The following TMEM196 variants were observed in gnomAD, a reference collection of about 807,000 sequenced individuals.
The protein encoded by TMEM196 is transmembrane protein 196.
A neutral mutation model predicts 20.0 loss-of-function variants in TMEM196; 17 were observed. The observed-to-expected ratio is 0.85, with a 90% CI of 0.58 to 1.27. The LOEUF (loss-of-function observed/expected upper bound fraction) is 1.27. Ranked by LOEUF, TMEM196 falls within the 50% of genes most tolerant of loss-of-function variation. The pLI is 0.00. For synonymous variants in TMEM196, 113 were observed against 88.9 expected, an observed-to-expected ratio of 1.27 and a Z score of -1.52; for missense variants, 267 against 223.0, an observed-to-expected ratio of 1.20 and a Z score of -1.26.
At chr7:19,753,852 G>A (rs1191524183) in intron 1 of TMEM196, among the ~76,000 whole-genome samples, 2 of 152,084 alleles carry the variant, frequency 1.3e-5, no homozygotes, top group African/African-American at 2.4e-5. Context: ...AGCTCTCATA[G>A]GCCTTGCCTC....
At chr7:19,754,962 C>T (rs918916983) in intron 1 of TMEM196, among the ~76,000 whole-genome samples, 1 of 152,162 alleles carries the variant, frequency 6.6e-6, no homozygotes, top group African/African-American at 2.4e-5. Context: ...ATGATTCTCT[C>T]CATTCTTTTT....
intron 3 of TMEM196, among the ~76,000 whole-genome samples, chr7:19,724,927 A>G (rs1408702642): frequency 6.6e-6 from 1 of 152,212 alleles, no homozygotes; most frequent in African/African-American, 2.4e-5. Context: ...CTTCCTATTT[A>G]TATGGGTTTC....
At chr7:19,747,363 CAGTTG>C (rs1784797749) in intron 1 of TMEM196, among the ~76,000 whole-genome samples, 1 of 152,014 alleles carries the variant, frequency 6.6e-6, no homozygotes, top group South Asian at 2.1e-4. Context: ...AACCTCTTTA[CAGTTG>C]AGTTGATTAT....
intron 1 of TMEM196, among the ~76,000 whole-genome samples, chr7:19,761,012 A>G (rs184003055): frequency 4.0e-4 from 61 of 152,268 alleles, no homozygotes; most frequent in African/African-American, 1.4e-3. Context: ...AGGCCCATCA[A>G]GTGTTATTGC....
chr7:19,772,676 A>G lies in TMEM196; in HGVS notation c.21T>C (p.Ile7=). 1 of 1,528,712 alleles carries G rather than the reference A, an allele frequency of 6.5e-7. No individual in the cohort carries two copies. The allele number at this position is 1,528,712 out of a possible 1,614,324, so 94.7% of individuals were successfully genotyped here. The change falls in exon 1 of 5, where the codon ATT becomes ATC. Residue 7 remains isoleucine (I), a synonymous_variant. Coordinates refer to ENST00000405844, the MANE Select transcript of TMEM196 (RefSeq NM_001363562.2). The part of the protein sequence containing the change: MCTSGQ[I]IGSLLVLSVL... ...CGGAGAGCACCAAGAGGCTCCCAAT[A>G]ATCTGACCGCTGGTGCACATCCTTC... is the stretch of plus-strand genomic sequence containing the variant.
At chr7:19,742,268 A>G (rs766723806) in intron 1 of TMEM196, among the ~76,000 whole-genome samples, 8 of 152,138 alleles carry the variant, frequency 5.3e-5, no homozygotes, top group Admixed American at 2.6e-4. Context: ...CTAAAACACA[A>G]TTCCTAAAGG....
At chr7:19,743,001 T>A (rs1446315010) in intron 1 of TMEM196, among the ~76,000 whole-genome samples, 1 of 152,162 alleles carries the variant, frequency 6.6e-6, no homozygotes, top group East Asian at 1.9e-4. Context: ...GTCTTGTTCA[T>A]ACTTATCTCC....
At chr7:19,733,995 A>C (rs949909612) in intron 1 of TMEM196, among the ~76,000 whole-genome samples, 7 of 152,300 alleles carry the variant, frequency 4.6e-5, no homozygotes, top group African/African-American at 1.7e-4. Context: ...GGGGGAGACA[A>C]CAGCATGGGA....
intron 3 of TMEM196, 133 bp from the exon 4 acceptor site, chr7:19,724,486 CA>C (rs1219121914): frequency 3.9e-6 from 3 of 772,348 alleles, no homozygotes; most frequent in South Asian, 1.8e-5. Flanking sequence ...CTATTTTTAA[CA>C]ATCATTTCTT....
chr7:19,759,821 A>C (rs545588868), intron 1 of TMEM196, among the ~76,000 whole-genome samples: 3 of 152,276 alleles, frequency 2.0e-5, no homozygotes, highest in Non-Finnish European at 2.9e-5. Flanking sequence ...AGGTCTTATC[A>C]AGTAACTATC....
At chr7:19,747,574 A>AT (rs925537043) in intron 1 of TMEM196, among the ~76,000 whole-genome samples, 4 of 151,902 alleles carry the variant, frequency 2.6e-5, no homozygotes, top group African/African-American at 7.3e-5. Context: ...CCTCAGATAC[A>AT]TTTTTTTCAT....
chr7:19,733,349 T>A (rs1266435253), intron 1 of TMEM196, among the ~76,000 whole-genome samples: 1 of 152,156 alleles, frequency 6.6e-6, no homozygotes, highest in Non-Finnish European at 1.5e-5. Context: ...GAAATGATAT[T>A]TTAGAGCCCA....
chr7:19,727,574 C>T (rs1234515735), intron 2 of TMEM196, among the ~76,000 whole-genome samples: 1 of 152,098 alleles, frequency 6.6e-6, no homozygotes, highest in African/African-American at 2.4e-5. Context: ...GTAGAATTAA[C>T]CAATTATATT....
In TMEM196 at chr7:19,721,173, T is replaced by C. The variant is rs1035719284; in HGVS notation, c.*955A>G. On this transcript the variant is annotated 3_prime_UTR_variant, in exon 5 of 5. Coordinates refer to ENST00000405844, the MANE Select transcript of TMEM196 (RefSeq NM_001363562.2). Reference sequence around the variant, plus strand: ...GAAAAATGGGCAATTTTAGTAGAAATTAAACATGTGATTTTGTGGGCATAG... The same window carrying C: ...GAAAAATGGGCAATTTTAGTAGAAACTAAACATGTGATTTTGTGGGCATAG... 6.6e-6 allele frequency: 1 copy of C among 151,902 alleles called. No homozygotes were observed. Among genetic ancestry groups the C allele is most frequent in the Non-Finnish European group, 1.5e-5 (1 of 67,812 alleles). 9.4% of individuals were successfully genotyped at this position (151,902 alleles called of 1,614,324 possible).
At position 19,760,482 on chromosome 7, in the gene TMEM196, T is replaced by C. The variant is rs545119036; in HGVS notation, c.147+12068A>G. Among the ~76,000 whole-genome samples the C allele has an allele frequency of 1.4e-5, 2 of 147,274 alleles. 1 individual carries two copies. The highest frequency in any genetic ancestry group is 5.0e-5 in the African/African-American group (2 of 40,064). On this transcript the variant is annotated intron_variant, in intron 1 of 4. Transcript: ENST00000405844. ...TTCAAGCGATTTTTCTTCCTCAGTC[T>C]CCCAAGTAGCCGGGATTACAGACAT... is the stretch of plus-strand genomic sequence containing the variant.
intron 1 of TMEM196, among the ~76,000 whole-genome samples, chr7:19,750,624 G>A (rs2128030251): frequency 6.6e-6 from 1 of 151,790 alleles, no homozygotes. Flanking sequence ...CTCCCAAATA[G>A]GACAACAGAG....
chr7:19,723,536 C>G (rs1783883586), intron 4 of TMEM196, among the ~76,000 whole-genome samples: 1 of 152,042 alleles, frequency 6.6e-6, no homozygotes, highest in Admixed American at 6.6e-5. Flanking sequence ...AGTAAAATCA[C>G]TGATAGGAAA....
intron 1 of TMEM196, among the ~76,000 whole-genome samples, chr7:19,772,332 C>A (rs1785916121): frequency 7.1e-6 from 1 of 140,742 alleles, no homozygotes; most frequent in African/African-American, 2.8e-5. Flanking sequence ...GTCTTAAGCC[C>A]AAGTAAGAAA....
At chr7:19,732,631 T>TG (rs1319792692) in intron 1 of TMEM196, among the ~76,000 whole-genome samples, 3 of 138,478 alleles carry the variant, frequency 2.2e-5, no homozygotes, top group Non-Finnish European at 3.1e-5. Context: ...AGTTTTTTTT[T>TG]TTTGTGTGTG....
Sources: allele counts gnomAD v4.1 joint callset (sites outside exome capture counted in the v4.1 genomes callset), GRCh38; gene constraint gnomAD v4.1.1; transcripts MANE v1.5; gene names NCBI Gene and HGNC (gene_info 2026-07-23, HGNC 2026-07-21).